Variants in ATP8A2 observed in about 807,000 individuals in gnomAD.
ATP8A2 encodes ATPase phospholipid transporting 8A2.
ATP8A2 carries 100 observed loss-of-function variants against 165.6 expected under a neutral mutation model. The observed-to-expected ratio is 0.60, with a 90% CI of 0.51 to 0.71. The LOEUF (loss-of-function observed/expected upper bound fraction) is 0.71. Ranked by LOEUF, ATP8A2 falls within the 30% of genes least tolerant of loss-of-function variation. ATP8A2 has a pLI of 0.00. For synonymous variants in ATP8A2, 543 were observed against 548.8 expected, an observed-to-expected ratio of 0.99 and a Z score of 0.15; for missense variants, 1,227 against 1,479.5, an observed-to-expected ratio of 0.83 and a Z score of 2.80.
intron 25 of ATP8A2, among the ~76,000 whole-genome samples, chr13:25,732,402 G>T (rs940282082): frequency 2.6e-5 from 4 of 152,160 alleles, no homozygotes; most frequent in African/African-American, 9.7e-5. Context: ...GGTGATATTC[G>T]AGGTAGTGGC....
intron 1 of ATP8A2, among the ~76,000 whole-genome samples, chr13:25,465,843 C>T (rs1441995958): frequency 6.9e-6 from 1 of 145,650 alleles, no homozygotes; most frequent in African/African-American, 2.5e-5. Flanking sequence ...AGGCTGGACT[C>T]GAACTCCTGG....
chr13:25,822,252 G>C (rs1363680636), intron 27 of ATP8A2, among the ~76,000 whole-genome samples: 2 of 152,008 alleles, frequency 1.3e-5, no homozygotes, highest in East Asian at 3.9e-4. Context: ...CCATATATAA[G>C]GGTGTGGCAT....
At chr13:25,430,530 T>C (rs547695236) in intron 1 of ATP8A2, among the ~76,000 whole-genome samples, 43 of 152,264 alleles carry the variant, frequency 2.8e-4, no homozygotes, top group African/African-American at 7.0e-4. Context: ...GAGTGAATAA[T>C]GATCAGACTA....
At chr13:25,651,729 T>A (rs960308515) in intron 24 of ATP8A2, among the ~76,000 whole-genome samples, 3 of 152,180 alleles carry the variant, frequency 2.0e-5, no homozygotes, top group African/African-American at 7.2e-5. Flanking sequence ...ATTATACCTG[T>A]TAATTTTGCT....
At chr13:25,500,143 C>A (rs2036808693) in intron 2 of ATP8A2, among the ~76,000 whole-genome samples, 1 of 152,122 alleles carries the variant, frequency 6.6e-6, no homozygotes, top group Admixed American at 6.6e-5. Flanking sequence ...CTGCTCCCTT[C>A]TTATCTTGAA....
chr13:25,475,772 T>A (rs2035977020), intron 2 of ATP8A2, among the ~76,000 whole-genome samples: 2 of 152,214 alleles, frequency 1.3e-5, no homozygotes, highest in African/African-American at 4.8e-5. Context: ...TCGGTGATAG[T>A]GAGCATTTTT....
chr13:25,535,315 G>A (rs748216027), intron 6 of ATP8A2, among the ~76,000 whole-genome samples: 1 of 152,118 alleles, frequency 6.6e-6, no homozygotes, highest in South Asian at 2.1e-4. Context: ...GCTGAGTCAC[G>A]GGTGAGCGCC....
chr13:25,844,003 A>C (rs1269485949), intron 30 of ATP8A2, among the ~76,000 whole-genome samples: 1 of 152,168 alleles, frequency 6.6e-6, no homozygotes, highest in Non-Finnish European at 1.5e-5. Context: ...GTAGAGAAAC[A>C]CATAGGATCT....
At chr13:25,966,125 T>C (rs1955771637) in intron 34 of ATP8A2, among the ~76,000 whole-genome samples, 1 of 151,870 alleles carries the variant, frequency 6.6e-6, no homozygotes, top group South Asian at 2.1e-4. Context: ...TAGGTATATC[T>C]GAAGACCCAC....
At chr13:26,013,826 G>A (rs1370052490) in intron 36 of ATP8A2, among the ~76,000 whole-genome samples, 2 of 152,172 alleles carry the variant, frequency 1.3e-5, no homozygotes. Context: ...GAGAAGGAGG[G>A]AGACAGAGTA....
chr13:25,548,484 A>G (rs1038995669), intron 10 of ATP8A2, among the ~76,000 whole-genome samples: 1 of 152,118 alleles, frequency 6.6e-6, no homozygotes, highest in Non-Finnish European at 1.5e-5. Flanking sequence ...GTTTATGATA[A>G]TTTTTTTCCT....
At chr13:25,739,383 A>G (rs1041888162) in intron 25 of ATP8A2, among the ~76,000 whole-genome samples, 9 of 152,264 alleles carry the variant, frequency 5.9e-5, no homozygotes, top group Non-Finnish European at 1.2e-4. Context: ...GCAGAATAGA[A>G]ACAGTGTGGA....
At chr13:25,515,382 A>T (rs1457299172) in intron 2 of ATP8A2, among the ~76,000 whole-genome samples, 1 of 152,234 alleles carries the variant, frequency 6.6e-6, no homozygotes, top group South Asian at 2.1e-4. Flanking sequence ...TTATTATTTT[A>T]AAAATGGATT....
chr13:25,515,104 G>A (rs193087031), intron 2 of ATP8A2, among the ~76,000 whole-genome samples: 5 of 152,352 alleles, frequency 3.3e-5, no homozygotes, highest in African/African-American at 4.8e-5. Context: ...TGCCAAGTAA[G>A]AGGGAGCTCC....
intron 28 of ATP8A2, among the ~76,000 whole-genome samples, chr13:25,830,739 C>G (rs1243254177): frequency 6.6e-6 from 1 of 152,234 alleles, no homozygotes; most frequent in East Asian, 1.9e-4. Context: ...TTCTCTTTCT[C>G]CATACTTGTA....
In ATP8A2 at chr13:25,578,818, A is replaced by G; in HGVS notation, c.1786A>G (p.Asn596Asp). 1 of 1,555,394 alleles carries G rather than the reference A, an allele frequency of 6.4e-7. No homozygotes were observed. The highest frequency in any genetic ancestry group is 8.9e-7 in the Non-Finnish European group (1 of 1,126,496). Residue 596 changes from asparagine (N) to aspartate (D), a missense_variant, in exon 21 of 37, where the codon AAT becomes GAT. By Grantham distance (23) the Asn-to-Asp change is conservative. Around this residue, in one of 5 missense-constraint regions of ATP8A2, gnomAD observed 592 missense variants for 785.6 expected, o/e 0.75. Coordinates refer to ENST00000381655, the MANE Select transcript of ATP8A2 (RefSeq NM_016529.6). ...RLRLYCKGAD[N>D]VIFERLSKDS... The stretch of plus-strand genomic sequence containing the variant: ...ACAATGTTTCCCTATTTTATAGGAT[A>G]ATGTGATTTTTGAGAGACTTTCAAA...
intron 26 of ATP8A2, among the ~76,000 whole-genome samples, chr13:25,773,443 A>G (rs1434938678): frequency 6.6e-6 from 1 of 152,188 alleles, no homozygotes; most frequent in African/African-American, 2.4e-5. Flanking sequence ...CAGAAGGCAA[A>G]GCCAGGCTAA....
chr13:25,579,723 C>T, intron 21 of ATP8A2, 85 bp from the exon 22 acceptor site: 3 of 1,504,140 alleles, frequency 2.0e-6, no homozygotes, highest in East Asian at 2.3e-5. Flanking sequence ...TTTTTTTGGG[C>T]ATGCTGATGG....
chr13:25,427,894 G>GA (rs1156995224), intron 1 of ATP8A2, among the ~76,000 whole-genome samples: 1 of 150,104 alleles, frequency 6.7e-6, no homozygotes, highest in African/African-American at 2.5e-5. Context: ...CTCTGTCTCA[G>GA]AAAAAAAAGA....
Sources: allele counts gnomAD v4.1 joint callset (sites outside exome capture counted in the v4.1 genomes callset), GRCh38; gene constraint gnomAD v4.1.1; regional missense constraint gnomAD v4.1.1; transcripts MANE v1.5; gene names NCBI Gene and HGNC (gene_info 2026-07-23, HGNC 2026-07-21).